SCFD1: variants seen among roughly 807,000 people sequenced by gnomAD.
The protein encoded by SCFD1 is sec1 family domain-containing protein 1.
A neutral mutation model predicts 103.2 loss-of-function variants in SCFD1; 37 were observed. The observed-to-expected ratio is 0.36, with a 90% CI of 0.28 to 0.47. The LOEUF (loss-of-function observed/expected upper bound fraction) is 0.47. Ranked by LOEUF, SCFD1 falls within the 20% of genes least tolerant of loss-of-function variation. SCFD1 has a pLI of 1.00. For synonymous variants in SCFD1, 264 were observed against 245.0 expected (o/e 1.08, Z -0.73); for missense variants, 639 against 761.2 (o/e 0.84, Z 1.89).
At position 30,624,792 on chromosome 14, in the gene SCFD1, A is replaced by C. The variant is rs919199473; in HGVS notation, c.61+2393A>C. Among the ~76,000 whole-genome samples, 6 of 152,280 alleles carry C rather than the reference A, an allele frequency of 3.9e-5. No individual in the cohort carries two copies. In the South Asian group the frequency reaches 6.2e-4, roughly 16 times the overall value. The stretch of plus-strand genomic sequence containing the variant: ...CAAGGCTTTATACGATCTGGTTTCC[A>C]TGTAGCTTTTGGACCTCACTCCCTA... On this transcript the variant is annotated intron_variant, in intron 1 of 24. Transcript: ENST00000458591.
chr14:30,657,097 A>T (rs1213663707), intron 10 of SCFD1, among the ~76,000 whole-genome samples: 1 of 152,084 alleles, frequency 6.6e-6, no homozygotes, highest in East Asian at 1.9e-4. Flanking sequence ...GCCTCATCAC[A>T]CCTGCCAGTG....
chr14:30,731,343 T>G (rs1293076799), intron 23 of SCFD1, among the ~76,000 whole-genome samples: 1 of 152,246 alleles, frequency 6.6e-6, no homozygotes, highest in Non-Finnish European at 1.5e-5. Flanking sequence ...GGCTCTTTTT[T>G]GGTTCCATAT....
intron 1 of SCFD1, among the ~76,000 whole-genome samples, chr14:30,627,694 G>A (rs944293292): frequency 4.9e-5 from 7 of 143,644 alleles, no homozygotes; most frequent in African/African-American, 1.8e-4. Flanking sequence ...GGTGAGCCGA[G>A]ATCACGCCAT....
At chr14:30,627,537 G>A (rs900553436) in intron 1 of SCFD1, among the ~76,000 whole-genome samples, 2 of 151,834 alleles carry the variant, frequency 1.3e-5, no homozygotes, top group South Asian at 2.1e-4. Flanking sequence ...ACCTGAGGTC[G>A]GGAGTTCTAG....
Position 30,630,558 on chromosome 14 carries a change from C to T in SCFD1, c.214C>T (p.Leu72=). Residue 72 remains leucine (L), a synonymous_variant, in exon 3 of 25, where the codon CTG becomes TTG. Transcript: ENST00000458591. ...GGAGCTAAGAGACATGGGAATCACTCTGCATCTGTGAGTTTTTACATATTT... is the reference window on the plus strand; with the variant it reads ...GGAGCTAAGAGACATGGGAATCACTTTGCATCTGTGAGTTTTTACATATTT... ...VKELRDMGIT[L]HLLLHSDRDP... is the part of the protein sequence containing the mutation. 1 of 1,568,116 alleles carries T rather than the reference C, an allele frequency of 6.4e-7. No homozygotes were observed. The highest frequency in any genetic ancestry group is 8.8e-7 in the Non-Finnish European group (1 of 1,139,924).
intron 4 of SCFD1, chr14:30,634,737 T>C (rs905944603): frequency 2.7e-5 from 12 of 449,684 alleles, no homozygotes; most frequent in Non-Finnish European, 4.9e-5. Flanking sequence ...CTTCTGTCGC[T>C]GATCATTCGT....
intron 18 of SCFD1, among the ~76,000 whole-genome samples, chr14:30,706,265 T>A (rs1212733999): frequency 6.6e-6 from 1 of 152,312 alleles, no homozygotes; most frequent in South Asian, 2.1e-4. Flanking sequence ...TTTTTTATAG[T>A]ATCATCCCTA....
At chr14:30,634,771 T>G (rs1256040792) in intron 4 of SCFD1, 1 of 455,048 alleles carries the variant, frequency 2.2e-6, no homozygotes. Context: ...GTTTTCCTTG[T>G]CTTGCTTGTC....
chr14:30,728,455 C>T (rs1417227997), intron 23 of SCFD1, among the ~76,000 whole-genome samples: 2 of 152,134 alleles, frequency 1.3e-5, no homozygotes, highest in Non-Finnish European at 2.9e-5. Context: ...AAGGTGATTC[C>T]TGCAGCTAAC....
rs1555343183 is a variant in SCFD1, at chr14:30,622,353, G to GGCAGCGACAGCAGCA, written c.21_35dup (p.Thr8_Ala12dup). On this transcript the variant is annotated inframe_insertion, in exon 1 of 25. Coordinates refer to ENST00000458591, the MANE Select transcript of SCFD1 (RefSeq NM_016106.4). ...TGGGAGCCAAGATGGCGGCGGCGGCGGCAGCGACAGCAGCAGCAGCAGCCA... is the reference window on the plus strand; with the variant it reads ...TGGGAGCCAAGATGGCGGCGGCGGCGGCAGCGACAGCAGCAGCAGCGACAGCAGCAGCAGCAGCCA... The GGCAGCGACAGCAGCA allele has an allele frequency of 2.6e-6, 4 of 1,568,396 alleles. No individual in the cohort carries two copies. Among genetic ancestry groups the GGCAGCGACAGCAGCA allele is most frequent in the East Asian group, 2.4e-5 (1 of 42,292 alleles).
At chr14:30,642,445 A>T (rs1188432465) in intron 6 of SCFD1, among the ~76,000 whole-genome samples, 1 of 152,226 alleles carries the variant, frequency 6.6e-6, no homozygotes, top group African/African-American at 2.4e-5. Flanking sequence ...CCTAAAGGAA[A>T]GGGATAAGAA....
chr14:30,673,112 T>C, intron 11 of SCFD1, 145 bp from the exon 12 acceptor site: 1 of 425,308 alleles, frequency 2.4e-6, no homozygotes, highest in African/African-American at 2.0e-5. Context: ...TGCTGAATCT[T>C]TTCTGCCTTT....
chr14:30,660,923 T>C (rs912590794), intron 10 of SCFD1, among the ~76,000 whole-genome samples: 1 of 152,172 alleles, frequency 6.6e-6, no homozygotes, highest in Non-Finnish European at 1.5e-5. Context: ...GCTAATCATA[T>C]TCATTTTCTG....
At chr14:30,702,659 A>G (rs370799905) in intron 17 of SCFD1, among the ~76,000 whole-genome samples, 8 of 152,208 alleles carry the variant, frequency 5.3e-5, no homozygotes, top group African/African-American at 1.9e-4. Context: ...CAAGGCATTA[A>G]GAGGAAATTT....
At chr14:30,641,791 C>A (rs1312026645) in intron 6 of SCFD1, among the ~76,000 whole-genome samples, 1 of 151,920 alleles carries the variant, frequency 6.6e-6, no homozygotes, top group African/African-American at 2.4e-5. Flanking sequence ...TTGGAGATAT[C>A]CAGTTGAATT....
In SCFD1 at chr14:30,694,865, T is replaced by C. The variant is rs1890585140; in HGVS notation, c.1335T>C (p.Pro445=). The change falls in exon 15 of 25, where the codon CCT becomes CCC. Residue 445 remains proline, a synonymous_variant. Coordinates refer to ENST00000458591, the MANE Select transcript of SCFD1 (RefSeq NM_016106.4). ...CTCTTCTAGATATAATATCAGACCC[T>C]GATGGTATGTACCAAAAATTTGAGG... ...DKSLLDIISD[P]DAGTPEDKMR... The C allele has an allele frequency of 6.3e-7, 1 of 1,582,636 alleles. No individual in the cohort carries two copies. Among genetic ancestry groups the C allele is most frequent in the African/African-American group, 1.4e-5 (1 of 72,860 alleles).
chr14:30,671,859 C>G (rs969757877), intron 11 of SCFD1, among the ~76,000 whole-genome samples: 12 of 151,792 alleles, frequency 7.9e-5, no homozygotes, highest in Admixed American at 5.9e-4. Context: ...GGGATGAAAC[C>G]CAGGTCTTGC....
In SCFD1 at chr14:30,673,918, T is replaced by G. The variant is rs778154572; in HGVS notation, c.1087-6T>G. The G allele has an allele frequency of 1.9e-6, 3 of 1,611,152 alleles. No homozygotes were observed. Among genetic ancestry groups the G allele is most frequent in the East Asian group, 2.2e-5 (1 of 44,800 alleles). ...AGTAGCTATTGAGACCTTTTTTCTTTACAAGGGACTAGAAGGGGAAGATGA... is the reference window on the plus strand; with the variant it reads ...AGTAGCTATTGAGACCTTTTTTCTTGACAAGGGACTAGAAGGGGAAGATGA... On this transcript the variant is annotated splice_polypyrimidine_tract_variant and splice_region_variant and intron_variant, in intron 12 of 24. Transcript: ENST00000458591.
intron 7 of SCFD1, among the ~76,000 whole-genome samples, chr14:30,648,945 T>C (rs1041013784): frequency 7.2e-6 from 1 of 139,702 alleles, no homozygotes; most frequent in Non-Finnish European, 1.5e-5. Flanking sequence ...TCCAGCCTCC[T>C]AGCCTGGGTG....
Sources: allele counts gnomAD v4.1 joint callset (sites outside exome capture counted in the v4.1 genomes callset), GRCh38; gene constraint gnomAD v4.1.1; transcripts MANE v1.5; gene names NCBI Gene and HGNC (gene_info 2026-07-23, HGNC 2026-07-21).